The following YIPF4 variants were observed in gnomAD, a reference collection of about 807,000 sequenced individuals.
YIPF4 encodes protein YIPF4.
In YIPF4, 18 loss-of-function variants were observed where a neutral mutation model predicts 29.4. That is an observed-to-expected ratio of 0.61 (90% confidence interval 0.42 to 0.91). YIPF4 has a LOEUF of 0.91. YIPF4 is among the 40% of genes least tolerant of loss of function. The probability of loss-of-function intolerance (pLI) is 0.00; values close to 1 mark genes in which losing one functional copy is unlikely to be tolerated. For synonymous variants in YIPF4, 115 were observed against 104.7 expected (o/e 1.10, Z -0.60); for missense variants, 279 against 282.7 (o/e 0.99, Z 0.09).
At position 32,305,928 on chromosome 2, in the gene YIPF4, C is replaced by A; in HGVS notation, c.*302C>A. 9.8e-7 allele frequency: 1 copy of A among 1,019,024 alleles called. No homozygotes were observed. The highest frequency in any genetic ancestry group is 1.2e-6 in the Non-Finnish European group (1 of 852,598). 63.1% of individuals were successfully genotyped at this position (1,019,024 alleles called of 1,614,324 possible). ...TTCACCTAAAAACTTGTGCCAAAAG[C>A]ACCTGGATTGGTAATTATATTTCAC... On this transcript the variant is annotated 3_prime_UTR_variant, in exon 6 of 6. Coordinates refer to ENST00000238831, the MANE Select transcript of YIPF4 (RefSeq NM_032312.4).
intron 1 of YIPF4, among the ~76,000 whole-genome samples, chr2:32,281,572 C>A (rs2030415668): frequency 6.6e-6 from 1 of 152,074 alleles, no homozygotes; most frequent in African/African-American, 2.4e-5. Context: ...TCCCAGTGAG[C>A]TTTATTATTC....
intron 1 of YIPF4, among the ~76,000 whole-genome samples, chr2:32,279,380 G>T (rs990621585): frequency 2.6e-4 from 37 of 142,578 alleles, no homozygotes; most frequent in African/African-American, 7.4e-4. Flanking sequence ...GTCTGAGAAA[G>T]AACCTAGATT....
rs971856248 is a variant in YIPF4, at chr2:32,310,478, C to T, written c.*4852C>T. The T allele has an allele frequency of 6.6e-6, 1 of 152,206 alleles. No homozygotes were observed. The highest frequency in any genetic ancestry group is 1.5e-5 in the Non-Finnish European group (1 of 68,042). The allele number at this position is 152,206 out of a possible 1,614,324, so 9.4% of individuals were successfully genotyped here. On this transcript the variant is annotated 3_prime_UTR_variant, in exon 6 of 6. Coordinates refer to ENST00000238831, the MANE Select transcript of YIPF4 (RefSeq NM_032312.4). ...AAATTCCACCCATACTCAAGTCTCA[C>T]AGTCTTCCCTGCAGAATCCAAGTAT...
chr2:32,303,722 G>C (rs1573543629), intron 5 of YIPF4, among the ~76,000 whole-genome samples: 1 of 152,144 alleles, frequency 6.6e-6, no homozygotes, highest in Non-Finnish European at 1.5e-5. Flanking sequence ...GATCATCTTT[G>C]TGTTTAAATA....
intron 3 of YIPF4, among the ~76,000 whole-genome samples, chr2:32,293,825 G>A (rs563905439): frequency 0.012 from 1,728 of 149,284 alleles, 30 homozygotes; most frequent in African/African-American, 0.04. Flanking sequence ...CGGACGGGGC[G>A]GCTGGCCAGG....
intron 3 of YIPF4, among the ~76,000 whole-genome samples, chr2:32,295,746 G>A (rs2031154238): frequency 6.6e-6 from 1 of 152,126 alleles, no homozygotes. Context: ...TGGGATTACA[G>A]ACATGCCCCA....
rs1415343328 is a variant in YIPF4, at chr2:32,307,982, C to T, written c.*2356C>T. 1 of 144,082 alleles carries T rather than the reference C, an allele frequency of 6.9e-6. No homozygotes were observed. The highest frequency in any genetic ancestry group is 1.5e-5 in the Non-Finnish European group (1 of 66,580). 8.9% of individuals were successfully genotyped at this position (144,082 alleles called of 1,614,324 possible). A position where few individuals can be genotyped will look rare whatever the true frequency, so the allele number is the denominator to read the frequency against. Reference sequence around the variant, plus strand: ...ATGATTTGTAGATGTGTGCAAGACACAGTACTGCTATGGCTAATAATGGTA... The same window carrying T: ...ATGATTTGTAGATGTGTGCAAGACATAGTACTGCTATGGCTAATAATGGTA... On this transcript the variant is annotated 3_prime_UTR_variant, in exon 6 of 6. Coordinates refer to ENST00000238831, the MANE Select transcript of YIPF4 (RefSeq NM_032312.4).
chr2:32,297,574 C>A (rs2031244951), intron 3 of YIPF4, among the ~76,000 whole-genome samples: 1 of 151,960 alleles, frequency 6.6e-6, no homozygotes, highest in South Asian at 2.1e-4. Context: ...TCGAGACCAG[C>A]CTGGGCAACA....
intron 3 of YIPF4, among the ~76,000 whole-genome samples, chr2:32,295,866 G>A (rs1412333251): frequency 3.9e-5 from 6 of 152,132 alleles, no homozygotes; most frequent in Non-Finnish European, 7.3e-5. Context: ...GCCTCCCAAA[G>A]TGCTGGGATT....
Position 32,312,487 on chromosome 2 carries a change from C to CAAAAAAAAAAAAAAAAAAAAA in YIPF4, c.*6873_*6893dup, listed in dbSNP as rs35334643. 8.0e-5 allele frequency: 3 copies of CAAAAAAAAAAAAAAAAAAAAA among 37,376 alleles called. No homozygotes were observed. Among genetic ancestry groups the CAAAAAAAAAAAAAAAAAAAAA allele is most frequent in the Non-Finnish European group, 1.3e-4 (3 of 23,744 alleles). The allele number at this position is 37,376 out of a possible 1,614,324, so 2.3% of individuals were successfully genotyped here. On this transcript the variant is annotated 3_prime_UTR_variant, in exon 6 of 6. Coordinates refer to ENST00000238831, the MANE Select transcript of YIPF4 (RefSeq NM_032312.4). ...TGGGCGACAGAGCGAGAATCCGTCT[C>CAAAAAAAAAAAAAAAAAAAAA]AAAAAAAAAAAAAAAAAAAAAAAAA...
intron 5 of YIPF4, among the ~76,000 whole-genome samples, chr2:32,304,729 T>C (rs1248486085): frequency 2.0e-5 from 3 of 152,200 alleles, no homozygotes; most frequent in Non-Finnish European, 4.4e-5. Flanking sequence ...GCCAGGTCTG[T>C]TCCTATTAGA....
chr2:32,281,914 A>AAAAT (rs58034160), intron 1 of YIPF4, among the ~76,000 whole-genome samples: 1 of 145,438 alleles, frequency 6.9e-6, no homozygotes, highest in African/African-American at 2.6e-5. Flanking sequence ...AAAAAAAAAA[A>AAAAT]AGGCAACCAT....
chr2:32,293,478 C>G (rs1266818245), intron 3 of YIPF4, among the ~76,000 whole-genome samples: 1 of 152,236 alleles, frequency 6.6e-6, no homozygotes, highest in Admixed American at 6.5e-5. Flanking sequence ...GAAGTGTCTC[C>G]CATGTCTACT....
chr2:32,279,630 C>T (rs1280947730), intron 1 of YIPF4, among the ~76,000 whole-genome samples: 4 of 148,598 alleles, frequency 2.7e-5, no homozygotes, highest in African/African-American at 9.9e-5. Flanking sequence ...AGGATGGTCT[C>T]GATCTCCTGA....
At chr2:32,293,291 T>C (rs896572051) in intron 3 of YIPF4, among the ~76,000 whole-genome samples, 7 of 152,176 alleles carry the variant, frequency 4.6e-5, no homozygotes, top group Middle Eastern at 3.4e-3. Flanking sequence ...TGGTGATGAC[T>C]CTTAACGAGC....
Position 32,292,879 on chromosome 2 carries a change from AAAAAG to A in YIPF4, c.405+536_405+540del, listed in dbSNP as rs1400783697. Among the ~76,000 whole-genome samples, 15 of 150,880 alleles carry A rather than the reference AAAAAG, an allele frequency of 9.9e-5. No homozygotes were observed. In the East Asian group the frequency reaches 2.7e-3, roughly 27 times the overall value. Reference sequence around the variant, plus strand: ...CTCCATCTCAAAAAAAAAAAAAAAAAAAAAGAAAATATTAGTATTTGTATGGCACA... The same window carrying A: ...CTCCATCTCAAAAAAAAAAAAAAAAAAAAATATTAGTATTTGTATGGCACA... On this transcript the variant is annotated intron_variant, in intron 3 of 5. Transcript: ENST00000238831.
At position 32,301,520 on chromosome 2, in the gene YIPF4, T is replaced by C. The variant is rs771382819; in HGVS notation, c.597+25T>C. 11 of 1,493,126 alleles carry C rather than the reference T, an allele frequency of 7.4e-6. No homozygotes were observed. In the South Asian group the frequency reaches 1.0e-4, roughly 14 times the overall value. 92.5% of individuals were successfully genotyped at this position (1,493,126 alleles called of 1,614,324 possible). ...AGTAAGTTAAGGATTATGTATTACA[T>C]AGTTTACTGTTTTCCAATGTCAAAA... is the stretch of plus-strand genomic sequence containing the variant. On this transcript the variant is annotated intron_variant, in intron 5 of 5. Transcript: ENST00000238831.
intron 5 of YIPF4, among the ~76,000 whole-genome samples, chr2:32,303,062 A>G (rs1023452398): frequency 5.3e-5 from 8 of 152,158 alleles, no homozygotes; most frequent in African/African-American, 1.9e-4. Context: ...GGTTCGTTAC[A>G]AAGAGTTTAT....
rs1022062409 is a variant in YIPF4, at chr2:32,301,394, C to G, written c.496C>G (p.Gln166Glu). ...TCAAAATTCACAGGTTGCATATGGC[C>G]AAGTCCTTGGAGTTATAGGATATTC... is the stretch of plus-strand genomic sequence containing the variant. ...RVLGGEVAYG[Q>E]VLGVIGYSLL... is the part of the protein sequence containing the mutation. Residue 166 changes from glutamine (Q) to glutamate (E), a missense_variant, in exon 5 of 6, where the codon CAA (glutamine) becomes GAA (glutamate). Physicochemically the swap from Gln to Glu is conservative, Grantham distance 29. Coordinates refer to ENST00000238831, the MANE Select transcript of YIPF4 (RefSeq NM_032312.4). 4 of 1,606,972 alleles carry G rather than the reference C, an allele frequency of 2.5e-6. No individual in the cohort carries two copies. Among genetic ancestry groups the G allele is most frequent in the Non-Finnish European group, 3.4e-6 (4 of 1,177,342 alleles).
Sources: allele counts gnomAD v4.1 joint callset (sites outside exome capture counted in the v4.1 genomes callset), GRCh38; gene constraint gnomAD v4.1.1; transcripts MANE v1.5; gene names NCBI Gene and HGNC (gene_info 2026-07-23, HGNC 2026-07-21).